EPHB1: variants seen among roughly 807,000 people sequenced by gnomAD.
EPHB1 encodes the protein EPH receptor B1.
EPHB1 carries 30 observed loss-of-function variants against 94.4 expected under a neutral mutation model. The ratio of observed to expected loss-of-function variants is 0.32; its 90% CI spans 0.24 to 0.43. EPHB1 has a LOEUF of 0.43. EPHB1 is among the 20% of genes least tolerant of loss of function. The pLI, the probability that EPHB1 is intolerant of heterozygous loss-of-function variation, is 1.00. For missense variants in EPHB1, 1,055 were observed against 1,308.3 expected, an observed-to-expected ratio of 0.81 and a Z score of 2.99; for synonymous variants, 522 against 489.1, an observed-to-expected ratio of 1.07 and a Z score of -0.89.
chr3:134,871,978 G>A (rs920614818), intron 1 of EPHB1, among the ~76,000 whole-genome samples: 1 of 152,210 alleles, frequency 6.6e-6, no homozygotes, highest in African/African-American at 2.4e-5. Context: ...TTTTCATGTG[G>A]TGACACAGGG....
intron 1 of EPHB1, among the ~76,000 whole-genome samples, chr3:134,867,553 G>T (rs1186822865): frequency 6.6e-6 from 1 of 152,188 alleles, no homozygotes; most frequent in Non-Finnish European, 1.5e-5. Flanking sequence ...GGTGCACTTG[G>T]CCTGGGGAAG....
chr3:134,899,783 T>G (rs2038162865), intron 1 of EPHB1, among the ~76,000 whole-genome samples: 2 of 152,200 alleles, frequency 1.3e-5, no homozygotes, highest in African/African-American at 4.8e-5. Flanking sequence ...CAAGCCATCC[T>G]CCTGCTTCAG....
intron 12 of EPHB1, among the ~76,000 whole-genome samples, chr3:135,208,323 G>A (rs1005007703): frequency 2.6e-5 from 4 of 151,638 alleles, no homozygotes; most frequent in African/African-American, 4.8e-5. Context: ...GTGTGTGTGT[G>A]TGTGTGTGTG....
chr3:135,084,896 T>A (rs1457049607), intron 3 of EPHB1, among the ~76,000 whole-genome samples: 1 of 152,202 alleles, frequency 6.6e-6, no homozygotes, highest in East Asian at 1.9e-4. Flanking sequence ...CTTGTATGTG[T>A]TCACCAATAA....
chr3:134,808,623 G>A (rs940257331), intron 1 of EPHB1, among the ~76,000 whole-genome samples: 7 of 152,216 alleles, frequency 4.6e-5, no homozygotes, highest in Non-Finnish European at 8.8e-5. Context: ...GACAGAAGAA[G>A]GAGGTATCTG....
intron 1 of EPHB1, among the ~76,000 whole-genome samples, chr3:134,863,252 TC>T (rs2037304545): frequency 6.6e-6 from 1 of 152,212 alleles, no homozygotes; most frequent in South Asian, 2.1e-4. Flanking sequence ...AGGTGCATCT[TC>T]CCATTGTTCT....
chr3:134,961,301 G>A (rs921726022), intron 3 of EPHB1, among the ~76,000 whole-genome samples: 4 of 152,098 alleles, frequency 2.6e-5, no homozygotes, highest in African/African-American at 9.7e-5. Flanking sequence ...ATAAAGCCTC[G>A]AAGGACAGCG....
At chr3:135,101,377 CT>C (rs34326286) in intron 3 of EPHB1, among the ~76,000 whole-genome samples, 52 of 147,504 alleles carry the variant, frequency 3.5e-4, no homozygotes, top group East Asian at 2.8e-3. Context: ...AGAAATGACA[CT>C]TTTTTTTTTT....
intron 8 of EPHB1, 89 bp from the exon 9 acceptor site, chr3:135,166,853 C>T: frequency 7.2e-7 from 1 of 1,392,428 alleles, no homozygotes; most frequent in Non-Finnish European, 1.0e-6. Flanking sequence ...CGGGTGAGCC[C>T]CTATCTGGCC....
chr3:135,238,639 T>C (rs1286445927), intron 12 of EPHB1, among the ~76,000 whole-genome samples: 1 of 146,120 alleles, frequency 6.8e-6, no homozygotes, highest in Non-Finnish European at 1.5e-5. Context: ...CTAACTCTCT[T>C]TTACTCAGAG....
chr3:134,972,633 T>G (rs1385574902), intron 3 of EPHB1, among the ~76,000 whole-genome samples: 3 of 150,754 alleles, frequency 2.0e-5, no homozygotes, highest in Admixed American at 6.7e-5. Flanking sequence ...TGCCGTAATA[T>G]TTGCATTCAA....
intron 3 of EPHB1, among the ~76,000 whole-genome samples, chr3:135,041,692 C>G (rs909455143): frequency 7.9e-5 from 12 of 152,150 alleles, no homozygotes; most frequent in African/African-American, 2.9e-4. Flanking sequence ...AAGTACGTCC[C>G]TGTTTTAGTC....
intron 3 of EPHB1, among the ~76,000 whole-genome samples, chr3:135,005,492 A>C (rs937895993): frequency 9.9e-5 from 15 of 152,202 alleles, no homozygotes; most frequent in Non-Finnish European, 1.5e-4. Context: ...CCACCCAGTT[A>C]GAGCTTCCTG....
chr3:134,925,457 T>G (rs1357486654), intron 1 of EPHB1, among the ~76,000 whole-genome samples: 1 of 152,198 alleles, frequency 6.6e-6, no homozygotes, highest in African/African-American at 2.4e-5. Flanking sequence ...AACACGGCCC[T>G]GGCAGAATCT....
At chr3:134,826,721 G>C (rs1245906177) in intron 1 of EPHB1, among the ~76,000 whole-genome samples, 1 of 152,188 alleles carries the variant, frequency 6.6e-6, no homozygotes, top group Non-Finnish European at 1.5e-5. Context: ...TCCACAGGGA[G>C]TACAAAGTAG....
intron 1 of EPHB1, among the ~76,000 whole-genome samples, chr3:134,830,431 T>C (rs1055025815): frequency 1.3e-5 from 2 of 152,214 alleles, no homozygotes. Flanking sequence ...CTTTAAAATA[T>C]TTTCAATTAA....
chr3:135,004,030 G>T (rs1354439848), intron 3 of EPHB1, among the ~76,000 whole-genome samples: 1 of 151,596 alleles, frequency 6.6e-6, no homozygotes, highest in East Asian at 1.9e-4. Context: ...TTGCTTGTTA[G>T]TTGATGTAGT....
In EPHB1 at chr3:135,249,420, G is replaced by T. The variant is rs56111847; in HGVS notation, c.2775G>T (p.Met925Ile). The stretch of plus-strand genomic sequence containing the variant: ...ATGACTGGCTCAGCGCCATCAAAAT[G>T]GTCCAGTACAGGGACAGCTTCCTCA... ...TVDDWLSAIK[M>I]VQYRDSFLTA... The change falls in exon 15 of 16, where the codon ATG becomes ATT. Residue 925 changes from methionine (M) to isoleucine (I), a missense_variant. Met to Ile is a conservative substitution (Grantham distance 10). Coordinates refer to ENST00000398015, the MANE Select transcript of EPHB1 (RefSeq NM_004441.5). 1 of 1,614,018 alleles carries T rather than the reference G, an allele frequency of 6.2e-7. No individual in the cohort carries two copies. The highest frequency in any genetic ancestry group is 8.5e-7 in the Non-Finnish European group (1 of 1,179,894).
chr3:135,244,774 AAAG>A, intron 13 of EPHB1, among the ~76,000 whole-genome samples: 1 of 152,314 alleles, frequency 6.6e-6, no homozygotes, highest in South Asian at 2.1e-4. Flanking sequence ...CGCATATCCT[AAAG>A]AAGAGAATAA....
Sources: allele counts gnomAD v4.1 joint callset (sites outside exome capture counted in the v4.1 genomes callset), GRCh38; gene constraint gnomAD v4.1.1; transcripts MANE v1.5; gene names NCBI Gene and HGNC (gene_info 2026-07-23, HGNC 2026-07-21).